Variants in PTPRN2 observed in about 807,000 individuals in gnomAD.
PTPRN2 encodes the protein protein tyrosine phosphatase receptor type N2, also known as receptor-type tyrosine-protein phosphatase N2.
PTPRN2 carries 74 observed loss-of-function variants against 118.8 expected under a neutral mutation model. That is an observed-to-expected ratio of 0.62 (90% CI 0.52 to 0.76). The LOEUF is 0.76. PTPRN2 is among the 30% of genes least tolerant of loss of function. The pLI, the probability that PTPRN2 is intolerant of heterozygous loss-of-function variation, is 0.00. For missense variants in PTPRN2, 1,481 were observed against 1,394.4 expected (o/e 1.06, Z -0.99); for synonymous variants, 641 against 608.0 (o/e 1.05, Z -0.80).
intron 2 of PTPRN2, among the ~76,000 whole-genome samples, chr7:158,351,369 T>C (rs2151265719): frequency 6.6e-6 from 1 of 152,278 alleles, no homozygotes; most frequent in African/African-American, 2.4e-5. Context: ...TTTGGGTTCC[T>C]AATTGTTGGG....
chr7:158,138,596 TG>T, intron 6 of PTPRN2, 81 bp from the exon 7 acceptor site: 1 of 1,385,306 alleles, frequency 7.2e-7, no homozygotes, highest in Non-Finnish European at 1.0e-6. Context: ...AGGGGTGTGG[TG>T]GGCGTCTGCG....
intron 2 of PTPRN2, among the ~76,000 whole-genome samples, chr7:158,342,671 T>C (rs1807130014): frequency 6.6e-6 from 1 of 152,162 alleles, no homozygotes; most frequent in African/African-American, 2.4e-5. Flanking sequence ...TAACCCTTAG[T>C]GGCATAAACT....
chr7:158,208,872 A>G lies in PTPRN2; in HGVS notation c.278-3599T>C, dbSNP rs532573834. 6.6e-4 allele frequency among the ~76,000 whole-genome samples: 100 copies of G among 152,306 alleles called. 1 individual carries two copies. Among genetic ancestry groups the G allele is most frequent in the South Asian group, 6.2e-3 (30 of 4,824 alleles). ...CAGATATAAAGATATAAATAGAAAC[A>G]ACAAAAAGTTAAAAAGTAGGGGGAT... On this transcript the variant is annotated intron_variant, in intron 3 of 22. Transcript: ENST00000389418.
At chr7:158,098,979 G>A (rs1465766645) in intron 10 of PTPRN2, among the ~76,000 whole-genome samples, 11 of 103,080 alleles carry the variant, frequency 1.1e-4, no homozygotes, top group South Asian at 3.8e-4. Context: ...CCTGGGTTCC[G>A]CATCCCGGCT....
rs373342621 is a variant in PTPRN2 at position 157,982,532 on chromosome 7, G to A, written c.1724-83795C>T. On this transcript the variant is annotated intron_variant, in intron 11 of 22. Transcript: ENST00000389418. ...CCCCCAAACCCTGAGTCATAGAGAC[G>A]AGGAGGGGAATGCAGAGTGCAGGGT... 1.1e-4 allele frequency among the ~76,000 whole-genome samples: 13 copies of A among 121,212 alleles called. No homozygotes were observed. The South Asian group carries it at 2.5e-3, about 23-fold the overall frequency. The allele number at this position is 121,212 out of a possible 152,430, so 79.5% of individuals were successfully genotyped here.
rs1200339308 is a variant in PTPRN2, at chr7:157,787,752, C to G, written c.1789-104815G>C. On this transcript the variant is annotated intron_variant, in intron 12 of 22. Transcript: ENST00000389418. The surrounding 1 kb of genome is among the most constrained non-coding windows in gnomAD (Gnocchi z 5.3). Reference sequence around the variant, plus strand: ...GGGTGGTGGCTGGGTGAGCCCAGCCCCATCTTTCCCTCGGACTTCATTTGT... The same window carrying G: ...GGGTGGTGGCTGGGTGAGCCCAGCCGCATCTTTCCCTCGGACTTCATTTGT... Among the ~76,000 whole-genome samples, 1 of 152,022 alleles carries G rather than the reference C, an allele frequency of 6.6e-6. No individual in the cohort carries two copies. The highest frequency in any genetic ancestry group is 1.5e-5 in the Non-Finnish European group (1 of 67,986).
At chr7:158,458,748 C>T (rs931193499) in intron 2 of PTPRN2, among the ~76,000 whole-genome samples, 1 of 152,170 alleles carries the variant, frequency 6.6e-6, no homozygotes. Flanking sequence ...CCCATAACAC[C>T]AGGCTGGGCG....
chr7:158,001,530 C>A (rs1413663274), intron 11 of PTPRN2, among the ~76,000 whole-genome samples: 1 of 152,098 alleles, frequency 6.6e-6, no homozygotes, highest in East Asian at 1.9e-4. Context: ...GAGTCCACGG[C>A]TGGGGACGTG....
chr7:157,605,532 G>A (rs111473007), intron 15 of PTPRN2, among the ~76,000 whole-genome samples: 1 of 152,216 alleles, frequency 6.6e-6, no homozygotes, highest in Non-Finnish European at 1.5e-5. Flanking sequence ...CCCACCATTC[G>A]ACAGGTCCTG....
At chr7:158,238,617 G>A (rs534943857) in intron 3 of PTPRN2, among the ~76,000 whole-genome samples, 8 of 152,182 alleles carry the variant, frequency 5.3e-5, no homozygotes, top group South Asian at 2.1e-4. Flanking sequence ...TGTCTTAAAC[G>A]GGAACTTCCC....
rs1802953053 is a variant in PTPRN2, at chr7:157,618,704, C to T, written c.2344+2658G>A. 1 of 152,196 alleles carries T rather than the reference C, an allele frequency of 6.6e-6. No individual in the cohort carries two copies. The highest frequency in any genetic ancestry group is 1.5e-5 in the Non-Finnish European group (1 of 68,046). The allele number at this position is 152,196 out of a possible 1,614,324, so 9.4% of individuals were successfully genotyped here. ...ATCTCCTTCCCAAAAGCAAGATGGC[C>T]AAGAGTATGGAGAAGAAAGTAGGTA... On this transcript the variant is annotated intron_variant, in intron 15 of 22. Transcript: ENST00000389418. This position sits in a 1 kb window ranked among gnomAD's most constrained non-coding sequence, Gnocchi z 4.2.
chr7:157,633,717 C>A (rs1034255739), intron 14 of PTPRN2, among the ~76,000 whole-genome samples: 2 of 152,054 alleles, frequency 1.3e-5, no homozygotes, highest in Non-Finnish European at 2.9e-5. Context: ...AAGGCTGGAG[C>A]CCAGGGCAGG....
At chr7:158,026,991 C>T (rs992589650) in intron 11 of PTPRN2, among the ~76,000 whole-genome samples, 2 of 152,234 alleles carry the variant, frequency 1.3e-5, no homozygotes, top group Admixed American at 1.3e-4. Flanking sequence ...TGACACTCGA[C>T]CCTTTTGGCC....
intron 5 of PTPRN2, among the ~76,000 whole-genome samples, chr7:158,167,963 A>C (rs149866974): frequency 6.6e-5 from 10 of 152,180 alleles, no homozygotes; most frequent in African/African-American, 2.4e-4. Flanking sequence ...TGCTGCTATG[A>C]GTATTCATTT....
intron 1 of PTPRN2, among the ~76,000 whole-genome samples, chr7:158,536,934 G>C (rs1050834511): frequency 6.6e-6 from 1 of 152,204 alleles, no homozygotes; most frequent in Non-Finnish European, 1.5e-5. Context: ...GCCCCGGACT[G>C]AATGTGTGAG....
intron 12 of PTPRN2, among the ~76,000 whole-genome samples, chr7:157,870,925 T>A (rs980289185): frequency 6.6e-6 from 1 of 152,152 alleles, no homozygotes; most frequent in Non-Finnish European, 1.5e-5. Context: ...ACTCTGGAAG[T>A]GGAGATAGCT....
At chr7:158,031,951 C>T (rs1347556098) in intron 11 of PTPRN2, among the ~76,000 whole-genome samples, 2 of 152,238 alleles carry the variant, frequency 1.3e-5, no homozygotes, top group Non-Finnish European at 2.9e-5. Context: ...GTCTCTGGGT[C>T]TCCTTTGTTT....
intron 12 of PTPRN2, among the ~76,000 whole-genome samples, chr7:157,770,427 C>A (rs1214572265): frequency 6.6e-6 from 1 of 152,208 alleles, no homozygotes; most frequent in Non-Finnish European, 1.5e-5. Flanking sequence ...CAGGTCCCAC[C>A]TCTTTACGTT....
intron 3 of PTPRN2, among the ~76,000 whole-genome samples, chr7:158,238,409 CAGGA>C (rs982429418): frequency 1.3e-5 from 2 of 152,052 alleles, no homozygotes; most frequent in Non-Finnish European, 2.9e-5. Context: ...ACGCGGGGCA[CAGGA>C]AGGAAGGAAG....
Sources: allele counts gnomAD v4.1 joint callset (sites outside exome capture counted in the v4.1 genomes callset), GRCh38; gene constraint gnomAD v4.1.1; non-coding constraint Gnocchi (gnomAD v3.1); transcripts MANE v1.5; gene names NCBI Gene and HGNC (gene_info 2026-07-23, HGNC 2026-07-21).